WLS: variants seen among roughly 807,000 people sequenced by gnomAD.
WLS encodes the protein protein wntless homolog.
A neutral mutation model predicts 62.8 loss-of-function variants in WLS; 23 were observed. That is an observed-to-expected ratio of 0.37 (90% CI 0.26 to 0.52). The LOEUF is 0.52. WLS is among the 20% of genes least tolerant of loss of function. WLS has a pLI of 0.92. For synonymous variants in WLS, 246 were observed against 244.1 expected (o/e 1.01, Z -0.07); for missense variants, 615 against 697.3 (o/e 0.88, Z 1.33).
intron 2 of WLS, among the ~76,000 whole-genome samples, chr1:68,187,489 T>C (rs1287057291): frequency 6.6e-6 from 1 of 152,102 alleles, no homozygotes; most frequent in Admixed American, 6.5e-5. Flanking sequence ...AAATAAGACA[T>C]TAATATTTAT....
chr1:68,148,184 C>T lies in WLS; in HGVS notation c.1086G>A (p.Thr362=), dbSNP rs573830869. ...FDMCERGVQL[T]NPFYSIWTTD... is the part of the protein sequence containing the mutation. Reference sequence around the variant, plus strand: ...TAGTCCAGATACTGTAGAAGGGATTCGTGAGTTGTACCCCTCTACAAAGAA... The same window carrying T: ...TAGTCCAGATACTGTAGAAGGGATTTGTGAGTTGTACCCCTCTACAAAGAA... The change falls in exon 8 of 12, where the codon ACG becomes ACA. Residue 362 remains threonine, a synonymous_variant. Transcript: ENST00000262348. The T allele has an allele frequency of 3.7e-6, 6 of 1,613,996 alleles. No individual in the cohort carries two copies. Among genetic ancestry groups the T allele is most frequent in the Admixed American group, 3.3e-5 (2 of 60,000 alleles).
rs961334340 is a variant in WLS, at chr1:68,227,046, GAA to G, written c.106+5146_106+5147del. Among the ~76,000 whole-genome samples the G allele has an allele frequency of 1.2e-4, 19 of 152,268 alleles. No homozygotes were observed. The South Asian group carries it at 2.9e-3, about 23-fold the overall frequency. On this transcript the variant is annotated intron_variant, in intron 1 of 11. Transcript: ENST00000262348. The stretch of plus-strand genomic sequence containing the variant: ...AAGGAAATGTTTCTCACTGTAACAG[GAA>G]AAGGGAAAGTTCGAATAGAAGTCTA...
chr1:68,186,592 G>A (rs2100583143), intron 2 of WLS: 1 of 456,094 alleles, frequency 2.2e-6, no homozygotes, highest in Non-Finnish European at 4.4e-6. Context: ...AAGCCATCAT[G>A]TGTAATAGGA....
intron 1 of WLS, among the ~76,000 whole-genome samples, chr1:68,201,818 A>C (rs923577478): frequency 2.0e-5 from 3 of 152,236 alleles, no homozygotes; most frequent in African/African-American, 7.2e-5. Context: ...CGTACACACA[A>C]AAGTCAAGCA....
chr1:68,210,088 G>A (rs909570928), intron 1 of WLS, among the ~76,000 whole-genome samples: 1 of 152,214 alleles, frequency 6.6e-6, no homozygotes, highest in Non-Finnish European at 1.5e-5. Context: ...GGACTCAGCA[G>A]TATGGATGTC....
At chr1:68,223,882 G>A (rs1487386936) in intron 1 of WLS, among the ~76,000 whole-genome samples, 1 of 152,194 alleles carries the variant, frequency 6.6e-6, no homozygotes, top group Non-Finnish European at 1.5e-5. Context: ...GGTCAGCCAG[G>A]ACCAAGGCAG....
At chr1:68,231,959 T>G in intron 1 of WLS, 2 of 427,944 alleles carry the variant, frequency 4.7e-6, no homozygotes, top group Non-Finnish European at 8.9e-6. Flanking sequence ...CCCTCTTGCC[T>G]TTCAAGTGGA....
At chr1:68,113,350 A>G (rs1016286826) in intron 11 of WLS, among the ~76,000 whole-genome samples, 2 of 152,322 alleles carry the variant, frequency 1.3e-5, no homozygotes, top group Admixed American at 1.3e-4. Context: ...TGAATGCCAG[A>G]AAATTCCTGG....
intron 11 of WLS, among the ~76,000 whole-genome samples, chr1:68,107,295 AGAT>A (rs1184958009): frequency 1.0e-5 from 1 of 97,220 alleles, no homozygotes; most frequent in Non-Finnish European, 2.3e-5. Context: ...TTGAATAGCT[AGAT>A]TTTTTTTTTT....
At chr1:68,139,012 T>C (rs1378934005) in intron 10 of WLS, among the ~76,000 whole-genome samples, 1 of 152,216 alleles carries the variant, frequency 6.6e-6, no homozygotes, top group Non-Finnish European at 1.5e-5. Context: ...CATAACCCAC[T>C]TGGGGCCCTA....
Position 68,137,881 on chromosome 1 carries a change from G to T in WLS, c.1415C>A (p.Ala472Asp). ...WGGVTVQVNS[A>D]FFTGIYGMWN... ...CATCCCATAGATGCCTGTGAAAAAG[G>T]CACTGTTCACTTGGACTGTGACGCC... Residue 472 changes from alanine (A) to aspartate (D), a missense_variant, in exon 11 of 12, where the codon GCC becomes GAC. Coordinates refer to ENST00000262348, the MANE Select transcript of WLS (RefSeq NM_024911.7). 6.2e-7 allele frequency: 1 copy of T among 1,613,978 alleles called. No homozygotes were observed. The highest frequency in any genetic ancestry group is 1.1e-5 in the South Asian group (1 of 91,078).
rs376126398 is a variant in WLS at position 68,178,705 on chromosome 1, C to CAAAAAA, written c.379+15244_379+15249dup. Among the ~76,000 whole-genome samples, 805 of 108,180 alleles carry CAAAAAA rather than the reference C, an allele frequency of 7.4e-3. 12 individuals carry two copies. Among genetic ancestry groups the CAAAAAA allele is most frequent in the Non-Finnish European group, 0.011 (561 of 49,474 alleles). 71.0% of individuals were successfully genotyped at this position (108,180 alleles called of 152,430 possible). ...TAAGCAACAGATCGAGACTACATTT[C>CAAAAAA]AAAAAAAAAAAAAAGAAAAGAAAAG... is the stretch of plus-strand genomic sequence containing the variant. On this transcript the variant is annotated intron_variant, in intron 2 of 11. Coordinates refer to ENST00000262348, the MANE Select transcript of WLS (RefSeq NM_024911.7).
In WLS at chr1:68,225,430, G is replaced by T. The variant is rs530118131; in HGVS notation, c.106+6764C>A. On this transcript the variant is annotated intron_variant, in intron 1 of 11. Coordinates refer to ENST00000262348, the MANE Select transcript of WLS (RefSeq NM_024911.7). ...TGTGCAGAGCTGGCACATTTATTAGGCCACCATCACAACCCTTCAGAGAAA... is the reference window on the plus strand; with the variant it reads ...TGTGCAGAGCTGGCACATTTATTAGTCCACCATCACAACCCTTCAGAGAAA... Among the ~76,000 whole-genome samples, 162 of 152,078 alleles carry T rather than the reference G, an allele frequency of 1.1e-3. 2 individuals are homozygous for T. In the South Asian group the frequency reaches 0.019, roughly 18 times the overall value.
At chr1:68,232,086 G>T in intron 1 of WLS, 108 bp downstream of exon 1, 1 of 1,452,662 alleles carries the variant, frequency 6.9e-7, no homozygotes, top group Non-Finnish European at 9.5e-7. Context: ...GGACTAATTA[G>T]ATCATAGAAG....
Position 68,232,243 on chromosome 1 carries a change from C to G in WLS, c.57G>C (p.Gly19=). Residue 19 remains glycine (G), a synonymous_variant, in exon 1 of 12, where the codon GGG becomes GGC. Transcript: ENST00000262348. The part of the protein sequence containing the change: ...MSTKKLCIVG[G]ILLVFQIIAF... ...CGATGATTTGGAACACGAGCAGAAT[C>G]CCACCAACAATGCACAGCTTCTTGG... 1 of 1,614,174 alleles carries G rather than the reference C, an allele frequency of 6.2e-7. No homozygotes were observed.
At chr1:68,185,471 AG>A (rs1245485852) in intron 2 of WLS, among the ~76,000 whole-genome samples, 5 of 152,292 alleles carry the variant, frequency 3.3e-5, no homozygotes, top group South Asian at 2.1e-4. Context: ...GCCATATAGT[AG>A]GGGGTAAGAG....
intron 11 of WLS, among the ~76,000 whole-genome samples, chr1:68,110,286 A>G (rs7539213): frequency 0.47 from 70,784 of 151,820 alleles, 16,789 homozygotes; most frequent in Middle Eastern, 0.54. Flanking sequence ...AGAATAATCT[A>G]CACTACTTTA....
intron 2 of WLS, among the ~76,000 whole-genome samples, chr1:68,179,768 T>C (rs1187589266): frequency 1.3e-5 from 2 of 152,214 alleles, no homozygotes; most frequent in Non-Finnish European, 2.9e-5. Flanking sequence ...CATCTGGTCT[T>C]CCCACTCTGC....
At chr1:68,125,171 G>T (rs935690881), downstream of WLS, among the ~76,000 whole-genome samples, 2 of 152,202 alleles carry the variant, frequency 1.3e-5, no homozygotes, top group East Asian at 3.9e-4. Flanking sequence ...TCACGCATAT[G>T]AGCATCCCTT....
Sources: allele counts gnomAD v4.1 joint callset (sites outside exome capture counted in the v4.1 genomes callset), GRCh38; gene constraint gnomAD v4.1.1; transcripts MANE v1.5; gene names NCBI Gene and HGNC (gene_info 2026-07-23, HGNC 2026-07-21).